The following AJAP1 variants were observed in gnomAD, a reference collection of about 807,000 sequenced individuals.
AJAP1 encodes the protein adherens junctions associated protein 1, also known as adherens junction-associated protein 1.
In AJAP1, 5 loss-of-function variants were observed where a neutral mutation model predicts 35.0. The ratio of observed to expected loss-of-function variants is 0.14; its 90% CI spans 0.07 to 0.30. The LOEUF (loss-of-function observed/expected upper bound fraction) is 0.30. AJAP1 is among the 10% of genes least tolerant of loss of function. AJAP1 has a pLI of 1.00. For synonymous variants in AJAP1, 284 were observed against 249.3 expected (o/e 1.14, Z -1.31); for missense variants, 586 against 571.0 (o/e 1.03, Z -0.27).
At chr1:4,767,491 C>T (rs1163792531) in intron 2 of AJAP1, among the ~76,000 whole-genome samples, 1 of 150,734 alleles carries the variant, frequency 6.6e-6, no homozygotes, top group Non-Finnish European at 1.5e-5. Flanking sequence ...TTCACCATTA[C>T]CATCATTATC....
intron 5 of AJAP1, among the ~76,000 whole-genome samples, chr1:4,778,063 A>AT (rs956710151): frequency 1.3e-5 from 2 of 152,110 alleles, no homozygotes; most frequent in Non-Finnish European, 2.9e-5. Flanking sequence ...GTATTTATTT[A>AT]TTTTTTGCAA....
intron 5 of AJAP1, among the ~76,000 whole-genome samples, chr1:4,780,537 G>A (rs143686103): frequency 6.6e-6 from 1 of 152,070 alleles, no homozygotes; most frequent in African/African-American, 2.4e-5. Flanking sequence ...CAGGGGTGGG[G>A]CACAGCTGGA....
chr1:4,772,407 G>A lies in AJAP1; in HGVS notation c.1045G>A (p.Ala349Thr). ...GCCCAGCAGCCTGGACATATTCACG[G>A]CCTATAACGAGACCCTGCAGTGTTC... ...RVPSSLDIFT[A>T]YNETLQCSHE... The change falls in exon 4 of 6, where the codon GCC (alanine) becomes ACC (threonine). Residue 349 changes from alanine (A) to threonine (T), a missense_variant. Transcript: ENST00000378191. 1.4e-5 allele frequency: 23 copies of A among 1,614,230 alleles called. No individual in the cohort carries two copies. The highest frequency in any genetic ancestry group is 1.9e-5 in the Non-Finnish European group (23 of 1,180,052).
intron 1 of AJAP1, among the ~76,000 whole-genome samples, chr1:4,676,409 C>T (rs1024118047): frequency 1.1e-4 from 16 of 152,148 alleles, no homozygotes; most frequent in Non-Finnish European, 2.1e-4. Flanking sequence ...CATCACAGAA[C>T]GTGAAGCTTC....
intron 1 of AJAP1, among the ~76,000 whole-genome samples, chr1:4,673,650 G>A (rs1366560993): frequency 7.9e-5 from 12 of 152,298 alleles, no homozygotes; most frequent in East Asian, 5.8e-4. Context: ...CTTGTGTGCC[G>A]GGGCTGTGGA....
intron 2 of AJAP1, among the ~76,000 whole-genome samples, chr1:4,749,483 C>T (rs1282230087): frequency 6.6e-6 from 1 of 152,226 alleles, no homozygotes; most frequent in African/African-American, 2.4e-5. Context: ...CAGCTGCTGT[C>T]ATGCGCTTAT....
At chr1:4,724,516 C>T (rs572211782) in intron 2 of AJAP1, among the ~76,000 whole-genome samples, 52 of 152,280 alleles carry the variant, frequency 3.4e-4, no homozygotes, top group Non-Finnish European at 6.8e-4. Context: ...ATTATGGCCA[C>T]TTGCACTTGC....
intron 2 of AJAP1, among the ~76,000 whole-genome samples, chr1:4,718,821 C>T (rs1409554443): frequency 6.6e-6 from 1 of 152,094 alleles, no homozygotes; most frequent in African/African-American, 2.4e-5. Flanking sequence ...GGGTTCAACT[C>T]TGTCTTCTTT....
At chr1:4,760,593 C>T (rs1641543615) in intron 2 of AJAP1, among the ~76,000 whole-genome samples, 1 of 152,210 alleles carries the variant, frequency 6.6e-6, no homozygotes, top group Non-Finnish European at 1.5e-5. Context: ...CATTTCCCGG[C>T]CACGATGCAG....
At chr1:4,658,841 C>T (rs1003190812) in intron 1 of AJAP1, among the ~76,000 whole-genome samples, 9 of 152,154 alleles carry the variant, frequency 5.9e-5, no homozygotes, top group East Asian at 1.9e-4. Context: ...CCACGCCTGC[C>T]GGGGACAGCT....
chr1:4,694,773 C>T (rs1359751127), intron 1 of AJAP1, among the ~76,000 whole-genome samples: 1 of 152,180 alleles, frequency 6.6e-6, no homozygotes, highest in Non-Finnish European at 1.5e-5. Flanking sequence ...CAGCAGGTAC[C>T]CGGGGAGCCG....
At chr1:4,668,263 G>T (rs914673941) in intron 1 of AJAP1, among the ~76,000 whole-genome samples, 1 of 151,998 alleles carries the variant, frequency 6.6e-6, no homozygotes, top group Non-Finnish European at 1.5e-5. Flanking sequence ...CTTGTGTGGG[G>T]CCAATCCTGT....
intron 1 of AJAP1, among the ~76,000 whole-genome samples, chr1:4,677,634 G>A (rs114156847): frequency 0.011 from 1,612 of 152,158 alleles, 25 homozygotes; most frequent in African/African-American, 0.037. Context: ...CCATTCAGCG[G>A]GCATAAAGCC....
chr1:4,720,716 C>T lies in AJAP1; in HGVS notation c.829+8017C>T, dbSNP rs1007433635. Reference sequence around the variant, plus strand: ...CACGAAGCCCACCTCACCGGTGGCTCTGCCAGGGTAATCGAATGGTGTTTG... The same window carrying T: ...CACGAAGCCCACCTCACCGGTGGCTTTGCCAGGGTAATCGAATGGTGTTTG... On this transcript the variant is annotated intron_variant, in intron 2 of 5. Coordinates refer to ENST00000378191, the MANE Select transcript of AJAP1 (RefSeq NM_018836.4). The surrounding 1 kb of genome is among the most constrained non-coding windows in gnomAD (Gnocchi z 4.4). Among the ~76,000 whole-genome samples the T allele has an allele frequency of 2.0e-5, 3 of 152,206 alleles. No individual in the cohort carries two copies. Among genetic ancestry groups the T allele is most frequent in the African/African-American group, 7.2e-5 (3 of 41,448 alleles).
chr1:4,682,198 T>G (rs562641023), intron 1 of AJAP1, among the ~76,000 whole-genome samples: 1 of 152,242 alleles, frequency 6.6e-6, no homozygotes, highest in South Asian at 2.1e-4. Context: ...TTAGAACCCA[T>G]GAAATATGGA....
At chr1:4,779,375 G>A (rs1367791666) in intron 5 of AJAP1, among the ~76,000 whole-genome samples, 3 of 148,696 alleles carry the variant, frequency 2.0e-5, no homozygotes, top group Non-Finnish European at 4.5e-5. Context: ...TCGCTCTGTC[G>A]CCCAGGCTGG....
At chr1:4,771,987 C>G (rs751800015) in intron 3 of AJAP1, among the ~76,000 whole-genome samples, 4 of 152,120 alleles carry the variant, frequency 2.6e-5, no homozygotes, top group Non-Finnish European at 5.9e-5. Context: ...GACTGATGCT[C>G]TTTAGTTAAG....
intron 1 of AJAP1, among the ~76,000 whole-genome samples, chr1:4,691,629 A>G (rs1047404740): frequency 1.3e-5 from 2 of 152,130 alleles, no homozygotes; most frequent in Non-Finnish European, 2.9e-5. Flanking sequence ...CCGGGCAGAC[A>G]CTGGTGCTTG....
At position 4,791,130 on chromosome 1, in the gene AJAP1, T is replaced by A. The variant is rs997138068; in HGVS notation, c.*8645T>A. On this transcript the variant is annotated 3_prime_UTR_variant, in exon 6 of 6. Coordinates refer to ENST00000378191, the MANE Select transcript of AJAP1 (RefSeq NM_018836.4). ...ACGTGAACTTTAATGACCTTATCAA[T>A]GACCTTTACTAACTGACTCTTGGTA... 1 of 152,118 alleles carries A rather than the reference T, an allele frequency of 6.6e-6. No homozygotes were observed. The highest frequency in any genetic ancestry group is 1.5e-5 in the Non-Finnish European group (1 of 68,030). 9.4% of individuals were successfully genotyped at this position (152,118 alleles called of 1,614,324 possible).
Sources: allele counts gnomAD v4.1 joint callset (sites outside exome capture counted in the v4.1 genomes callset), GRCh38; gene constraint gnomAD v4.1.1; non-coding constraint Gnocchi (gnomAD v3.1); transcripts MANE v1.5; gene names NCBI Gene and HGNC (gene_info 2026-07-23, HGNC 2026-07-21).